FAM53A: variants seen among roughly 807,000 people sequenced by gnomAD.
FAM53A encodes the protein family with sequence similarity 53 member A.
A neutral mutation model predicts 26.6 loss-of-function variants in FAM53A; 28 were observed. The ratio of observed to expected loss-of-function variants is 1.05; its 90% CI spans 0.78 to 1.45. The LOEUF (loss-of-function observed/expected upper bound fraction) is 1.45, where lower values mean the gene tolerates loss of function less well. Among genes scored for constraint, FAM53A ranks in the 40% most tolerant of loss-of-function variants. The pLI, the probability that FAM53A is intolerant of heterozygous loss-of-function variation, is 0.00. For synonymous variants in FAM53A, 290 were observed against 253.1 expected, an observed-to-expected ratio of 1.15 and a Z score of -1.38; for missense variants, 650 against 575.8, an observed-to-expected ratio of 1.13 and a Z score of -1.32.
chr4:1,653,953 G>A (rs938775561), intron 4 of FAM53A, among the ~76,000 whole-genome samples: 1 of 152,226 alleles, frequency 6.6e-6, no homozygotes, highest in Non-Finnish European at 1.5e-5. Flanking sequence ...GCAAGACAGT[G>A]CAGCCACACT....
intron 2 of FAM53A, among the ~76,000 whole-genome samples, chr4:1,660,578 C>A (rs369680764): frequency 4.1e-4 from 62 of 152,238 alleles, no homozygotes; most frequent in African/African-American, 1.4e-3. Context: ...CACAGCAAGA[C>A]CCTGTCTTTA....
At position 1,630,835 on chromosome 4, in the gene FAM53A, G is replaced by A. The variant is rs1461350382; in HGVS notation, c.432-12724C>T. ...TGGTTTGGAACCAGAGAGAGGCGGTGTCTGCACCATCTCACGAATGTACTA... is the reference window on the plus strand; with the variant it reads ...TGGTTTGGAACCAGAGAGAGGCGGTATCTGCACCATCTCACGAATGTACTA... On this transcript the variant is annotated intron_variant, in intron 1 of 1. Coordinates refer to the FAM53A transcript ENST00000489029. The surrounding 1 kb of genome is among the most constrained non-coding windows in gnomAD (Gnocchi z 4.3). Among the ~76,000 whole-genome samples the A allele has an allele frequency of 6.6e-6, 1 of 152,188 alleles. No individual in the cohort carries two copies.
intron 2 of FAM53A, among the ~76,000 whole-genome samples, chr4:1,665,007 A>C (rs1714120501): frequency 6.7e-6 from 1 of 150,226 alleles, no homozygotes; most frequent in African/African-American, 2.5e-5. Context: ...TAAATGAAAA[A>C]TAATTTTTTA....
Position 1,680,721 on chromosome 4 carries a change from C to T in FAM53A, c.-165+3512G>A, listed in dbSNP as rs139508231. 1.5e-3 allele frequency among the ~76,000 whole-genome samples: 227 copies of T among 151,982 alleles called. 3 individuals carry two copies. In the East Asian group the frequency reaches 0.034, roughly 23 times the overall value. On this transcript the variant is annotated intron_variant, in intron 1 of 4. Coordinates refer to ENST00000308132, the MANE Select transcript of FAM53A (RefSeq NM_001174070.3). Reference sequence around the variant, plus strand: ...CTAAGTGAAAGAAACGGGTCTGAAACGGCTACGTATTGTATAATTCCTACC... The same window carrying T: ...CTAAGTGAAAGAAACGGGTCTGAAATGGCTACGTATTGTATAATTCCTACC...
chr4:1,631,883 C>T, intron 1 of FAM53A, among the ~76,000 whole-genome samples: 1 of 152,160 alleles, frequency 6.6e-6, no homozygotes, highest in Non-Finnish European at 1.5e-5. Context: ...CAAGCCACGG[C>T]CAGGCATGGT....
intron 1 of FAM53A, among the ~76,000 whole-genome samples, chr4:1,628,042 G>GAGGGTGGCATGGGA (rs1715389328): frequency 1.6e-5 from 2 of 128,626 alleles, no homozygotes; most frequent in Non-Finnish European, 3.4e-5. Flanking sequence ...TGGCACGGGG[G>GAGGGTGGCATGGGA]GAGGGTGCAC....
the FAM53A span, among the ~76,000 whole-genome samples, chr4:1,600,459 C>T: frequency 6.6e-6 from 1 of 152,064 alleles, no homozygotes; most frequent in Non-Finnish European, 1.5e-5. Flanking sequence ...GCCCCCAGCG[C>T]AGGGAGGACA....
chr4:1,607,266 G>C, the FAM53A span, among the ~76,000 whole-genome samples: 2 of 151,578 alleles, frequency 1.3e-5, no homozygotes, highest in Non-Finnish European at 2.9e-5. Context: ...TGATCCGCCT[G>C]CCTCGGCCTC....
chr4:1,654,914 C>CA, intron 4 of FAM53A, 64 bp downstream of exon 4: 2 of 1,450,932 alleles, frequency 1.4e-6, no homozygotes, highest in Non-Finnish European at 1.8e-6. Context: ...CAGCCAGCCT[C>CA]ACCCCAGCAC....
At chr4:1,676,200 C>T (rs564503337) in intron 1 of FAM53A, among the ~76,000 whole-genome samples, 4 of 152,318 alleles carry the variant, frequency 2.6e-5, no homozygotes, top group African/African-American at 7.2e-5. Context: ...AGGACCAAGA[C>T]GCCAGCAGGG....
intron 4 of FAM53A, among the ~76,000 whole-genome samples, chr4:1,646,708 T>C (rs1712278159): frequency 6.6e-6 from 1 of 152,146 alleles, no homozygotes; most frequent in Non-Finnish European, 1.5e-5. Context: ...CATGCACCTC[T>C]AGCTTGTCCT....
chr4:1,575,932 C>G, the FAM53A span, among the ~76,000 whole-genome samples: 2 of 152,170 alleles, frequency 1.3e-5, no homozygotes, highest in Admixed American at 6.5e-5. Flanking sequence ...CTGCAAGCCA[C>G]CCGGGGTGAA....
rs1711551820 is a variant in FAM53A at position 1,640,280 on chromosome 4, G to C, written c.*1013C>G. 1 of 176,990 alleles carries C rather than the reference G, an allele frequency of 5.7e-6. No individual in the cohort carries two copies. The highest frequency in any genetic ancestry group is 1.2e-5 in the Non-Finnish European group (1 of 86,016). 11.0% of individuals were successfully genotyped at this position (176,990 alleles called of 1,614,324 possible). The stretch of plus-strand genomic sequence containing the variant: ...AAGCTGGCGGTTCACTGGCACGTGG[G>C]TGACAAGGTTCATGGGCACAGATGC... On this transcript the variant is annotated 3_prime_UTR_variant, in exon 5 of 5. Coordinates refer to ENST00000308132, the MANE Select transcript of FAM53A (RefSeq NM_001174070.3).
chr4:1,615,073 A>ATG (rs1428598545), downstream of FAM53A, among the ~76,000 whole-genome samples: 5 of 151,148 alleles, frequency 3.3e-5, no homozygotes, highest in East Asian at 2.0e-4. Context: ...CTGGGCACAC[A>ATG]GAAGGCAGGA....
chr4:1,577,766 A>G, the FAM53A span, among the ~76,000 whole-genome samples: 3 of 152,164 alleles, frequency 2.0e-5, no homozygotes, highest in Non-Finnish European at 1.5e-5. Flanking sequence ...TCATCTGCTC[A>G]TTACCGCGGC....
At chr4:1,585,681 T>G in the FAM53A span, among the ~76,000 whole-genome samples, 1 of 152,214 alleles carries the variant, frequency 6.6e-6, no homozygotes, top group African/African-American at 2.4e-5. Context: ...CTTATTTTGC[T>G]GAACATAAGG....
chr4:1,670,405 G>C (rs1486825398), intron 1 of FAM53A, among the ~76,000 whole-genome samples: 1 of 152,222 alleles, frequency 6.6e-6, no homozygotes, highest in Non-Finnish European at 1.5e-5. Context: ...CTGGCTCAGA[G>C]CCTTCCCGTC....
chr4:1,664,844 G>A (rs964822517), intron 2 of FAM53A, among the ~76,000 whole-genome samples: 3 of 151,958 alleles, frequency 2.0e-5, no homozygotes, highest in South Asian at 2.1e-4. Flanking sequence ...TGGGCTTGGT[G>A]GCATGTGCCT....
chr4:1,619,423 C>A (rs1215052174), intron 1 of FAM53A, among the ~76,000 whole-genome samples: 1 of 152,222 alleles, frequency 6.6e-6, no homozygotes, highest in African/African-American at 2.4e-5. Context: ...ATGGCCTGGG[C>A]TCCCTTGCCC....
Sources: allele counts gnomAD v4.1 joint callset (sites outside exome capture counted in the v4.1 genomes callset), GRCh38; gene constraint gnomAD v4.1.1; non-coding constraint Gnocchi (gnomAD v3.1); transcripts MANE v1.5; gene names NCBI Gene and HGNC (gene_info 2026-07-23, HGNC 2026-07-21).